The following ROBO2 variants were observed in gnomAD, a reference collection of about 807,000 sequenced individuals.
ROBO2 encodes roundabout homolog 2.
A neutral mutation model predicts 160.8 loss-of-function variants in ROBO2; 53 were observed. The ratio of observed to expected loss-of-function variants is 0.33; its 90% CI spans 0.26 to 0.41. ROBO2 has a LOEUF of 0.41. Ranked by LOEUF, ROBO2 falls within the 10% of genes least tolerant of loss-of-function variation. ROBO2 has a pLI of 1.00. For missense variants in ROBO2, 1,577 were observed against 1,722.4 expected (o/e 0.92, Z 1.49); for synonymous variants, 664 against 611.7 (o/e 1.09, Z -1.26).
chr3:76,912,492 G>A (rs569828133), intron 2 of ROBO2, among the ~76,000 whole-genome samples: 4 of 152,174 alleles, frequency 2.6e-5, no homozygotes, highest in Admixed American at 2.0e-4. Flanking sequence ...ATGTCATTTG[G>A]TAAATAAAAT....
intron 2 of ROBO2, among the ~76,000 whole-genome samples, chr3:77,237,411 T>TTGTG (rs71104662): frequency 0.024 from 3,120 of 131,088 alleles, 65 homozygotes; most frequent in African/African-American, 0.049. Context: ...TTGTTTTGTT[T>TTGTG]TGTGTGTGTG....
At chr3:76,067,453 C>G (rs1045996100) in intron 2 of ROBO2, among the ~76,000 whole-genome samples, 23 of 151,688 alleles carry the variant, frequency 1.5e-4, no homozygotes, top group Non-Finnish European at 5.9e-5. Flanking sequence ...TCCTGTGATT[C>G]ACTGCTTTTC....
At chr3:77,524,719 A>T (rs2090960581) in intron 6 of ROBO2, among the ~76,000 whole-genome samples, 1 of 151,344 alleles carries the variant, frequency 6.6e-6, no homozygotes, top group East Asian at 1.9e-4. Context: ...TTAACAAAGC[A>T]TGCTCCTCAT....
intron 2 of ROBO2, among the ~76,000 whole-genome samples, chr3:76,481,814 G>A (rs1208433362): frequency 1.3e-5 from 2 of 152,096 alleles, no homozygotes; most frequent in African/African-American, 2.4e-5. Flanking sequence ...TGACTGGAGG[G>A]TTCAGGGGAA....
chr3:77,325,652 TA>T (rs1377101655), intron 2 of ROBO2, among the ~76,000 whole-genome samples: 8 of 152,180 alleles, frequency 5.3e-5, no homozygotes, highest in African/African-American at 1.9e-4. Flanking sequence ...TTCTTGGAAT[TA>T]GGGGGTGGAG....
At chr3:76,120,184 T>C (rs1242994662) in intron 2 of ROBO2, among the ~76,000 whole-genome samples, 2 of 151,988 alleles carry the variant, frequency 1.3e-5, no homozygotes, top group Admixed American at 1.3e-4. Context: ...GTATTTTTAG[T>C]AGAGACGGAA....
At chr3:77,405,137 A>G (rs375648641) in intron 2 of ROBO2, among the ~76,000 whole-genome samples, 39 of 152,304 alleles carry the variant, frequency 2.6e-4, no homozygotes, top group African/African-American at 9.1e-4. Context: ...TTCCTATTTC[A>G]TGTATAGTAT....
intron 2 of ROBO2, among the ~76,000 whole-genome samples, chr3:76,780,302 C>A (rs78285740): frequency 6.7e-6 from 1 of 150,056 alleles, no homozygotes; most frequent in African/African-American, 2.4e-5. Flanking sequence ...TCAATTGTAT[C>A]AATCCCTTGA....
At chr3:77,602,985 A>G in intron 20 of ROBO2, 1 of 456,740 alleles carries the variant, frequency 2.2e-6, no homozygotes, top group Non-Finnish European at 4.4e-6. Context: ...GTCTAATAGA[A>G]TGCCACACAA....
chr3:77,607,119 G>T (rs2153695676), intron 20 of ROBO2, among the ~76,000 whole-genome samples: 1 of 152,204 alleles, frequency 6.6e-6, no homozygotes, highest in Non-Finnish European at 1.5e-5. Flanking sequence ...ATTTGTATTA[G>T]AATGCCACTG....
intron 2 of ROBO2, among the ~76,000 whole-genome samples, chr3:76,550,772 G>A (rs1316356922): frequency 6.6e-6 from 1 of 152,244 alleles, no homozygotes; most frequent in Admixed American, 6.5e-5. Flanking sequence ...GCACGACCTG[G>A]CTGAGTATGT....
At chr3:76,209,973 A>G (rs1219771687) in intron 2 of ROBO2, among the ~76,000 whole-genome samples, 2 of 152,140 alleles carry the variant, frequency 1.3e-5, no homozygotes, top group African/African-American at 2.4e-5. Context: ...AGTAAAAGAA[A>G]AAAACATTCA....
chr3:77,368,296 C>A (rs536280140), intron 2 of ROBO2, among the ~76,000 whole-genome samples: 1 of 151,906 alleles, frequency 6.6e-6, no homozygotes, highest in Non-Finnish European at 1.5e-5. Context: ...AGCTATGCAT[C>A]CAAGAGCACA....
intron 2 of ROBO2, among the ~76,000 whole-genome samples, chr3:76,212,135 A>G (rs1703184324): frequency 6.6e-6 from 1 of 151,936 alleles, no homozygotes; most frequent in Admixed American, 6.6e-5. Context: ...GAACCAGCTA[A>G]CCTCTCTAAT....
chr3:76,993,810 TTTCCTGTCAACCA>T (rs1340751054), intron 2 of ROBO2, among the ~76,000 whole-genome samples: 1 of 152,094 alleles, frequency 6.6e-6, no homozygotes, highest in Non-Finnish European at 1.5e-5. Flanking sequence ...TACCCATGCA[TTTCCTGTCAACCA>T]TTCTATAGAA....
chr3:77,314,447 C>T (rs949727886), intron 2 of ROBO2, among the ~76,000 whole-genome samples: 5 of 152,062 alleles, frequency 3.3e-5, no homozygotes, highest in Non-Finnish European at 7.4e-5. Flanking sequence ...GGTGTTTTGT[C>T]TTAAGTCAAA....
At chr3:75,929,886 G>T (rs1471664836) in intron 1 of ROBO2, among the ~76,000 whole-genome samples, 1 of 152,062 alleles carries the variant, frequency 6.6e-6, no homozygotes, top group African/African-American at 2.4e-5. Flanking sequence ...GTAGAGACTG[G>T]GTTTCACCAT....
intron 2 of ROBO2, among the ~76,000 whole-genome samples, chr3:76,522,356 A>G (rs114888621): frequency 0.024 from 3,566 of 151,690 alleles, 111 homozygotes; most frequent in African/African-American, 0.074. Flanking sequence ...TTATTTCCCA[A>G]CTCCAACTGT....
intron 2 of ROBO2, among the ~76,000 whole-genome samples, chr3:77,122,662 G>A (rs2074893319): frequency 1.3e-5 from 2 of 152,046 alleles, no homozygotes; most frequent in South Asian, 4.1e-4. Flanking sequence ...TTTTTTAAAG[G>A]GATGACAACA....
Sources: allele counts gnomAD v4.1 joint callset (sites outside exome capture counted in the v4.1 genomes callset), GRCh38; gene constraint gnomAD v4.1.1; transcripts MANE v1.5; gene names NCBI Gene and HGNC (gene_info 2026-07-23, HGNC 2026-07-21).